Variants in PACSIN2 observed in about 807,000 individuals in gnomAD.
PACSIN2 encodes protein kinase C and casein kinase substrate in neurons 2.
PACSIN2 carries 25 observed loss-of-function variants against 63.8 expected under a neutral mutation model. That is an observed-to-expected ratio of 0.39 (90% confidence interval 0.29 to 0.55). PACSIN2 has a LOEUF of 0.55. PACSIN2 is among the 20% of genes least tolerant of loss of function. The probability of loss-of-function intolerance (pLI) is 0.62; values close to 1 mark genes in which losing one functional copy is unlikely to be tolerated. For missense variants in PACSIN2, 518 were observed against 646.9 expected (o/e 0.80, Z 2.16); for synonymous variants, 255 against 256.2 (o/e 1.00, Z 0.05).
intron 1 of PACSIN2, among the ~76,000 whole-genome samples, chr22:43,013,401 C>T (rs1228038460): frequency 6.6e-6 from 1 of 152,242 alleles, no homozygotes; most frequent in African/African-American, 2.4e-5. Context: ...AGCATAACCT[C>T]ACCAAAGAGG....
At chr22:42,879,985 C>G (rs909284869) in intron 7 of PACSIN2, among the ~76,000 whole-genome samples, 1 of 152,190 alleles carries the variant, frequency 6.6e-6, no homozygotes, top group African/African-American at 2.4e-5. Context: ...GCTTCACCAA[C>G]CGCACTGAAA....
intron 1 of PACSIN2, among the ~76,000 whole-genome samples, chr22:42,993,044 T>C (rs1174266668): frequency 1.3e-5 from 2 of 152,002 alleles, no homozygotes; most frequent in African/African-American, 2.4e-5. Context: ...CATGCACTTA[T>C]AGTCCCAGCT....
chr22:42,946,172 C>A (rs1346409502), intron 1 of PACSIN2, among the ~76,000 whole-genome samples: 4 of 152,226 alleles, frequency 2.6e-5, no homozygotes, highest in Non-Finnish European at 5.9e-5. Context: ...TAATAAGAAT[C>A]CTTCCAATTA....
Position 43,010,398 on chromosome 22 carries a change from A to ATATATATATATATATTTTTTTTT in PACSIN2, c.-78+4622_-78+4623insAAAAAAAAATATATATATATATA. 4.5e-3 allele frequency among the ~76,000 whole-genome samples: 570 copies of ATATATATATATATATTTTTTTTT among 126,326 alleles called. 12 individuals are homozygous for ATATATATATATATATTTTTTTTT. Among genetic ancestry groups the ATATATATATATATATTTTTTTTT allele is most frequent in the Non-Finnish European group, 6.2e-3 (360 of 58,120 alleles). The allele number at this position is 126,326 out of a possible 152,430, so 82.9% of individuals were successfully genotyped here. On this transcript the variant is annotated intron_variant, in intron 1 of 10. Coordinates refer to ENST00000263246, the MANE Select transcript of PACSIN2 (RefSeq NM_001184970.3). ...TGTTTAAAAATACATATATATATAT[A>ATATATATATATATATTTTTTTTT]TTTTTTTTTAATTGAAAATAAAAAA...
intron 6 of PACSIN2, 147 bp downstream of exon 6, chr22:42,884,239 T>G: frequency 1.5e-6 from 1 of 679,602 alleles, no homozygotes. Flanking sequence ...CCATCCAGAT[T>G]ACAAAGAAGC....
At chr22:42,994,158 C>A (rs978292675) in intron 1 of PACSIN2, among the ~76,000 whole-genome samples, 2 of 152,184 alleles carry the variant, frequency 1.3e-5, no homozygotes, top group Non-Finnish European at 2.9e-5. Flanking sequence ...ATCAGCAAAG[C>A]CCTAGAGGGA....
chr22:42,883,554 T>A (rs1268884001), intron 6 of PACSIN2, among the ~76,000 whole-genome samples: 1 of 152,172 alleles, frequency 6.6e-6, no homozygotes, highest in African/African-American at 2.4e-5. Context: ...ACAGCACAGC[T>A]TCCATATCAC....
intron 1 of PACSIN2, among the ~76,000 whole-genome samples, chr22:42,928,139 T>C (rs75107981): frequency 6.6e-5 from 10 of 152,344 alleles, no homozygotes; most frequent in Non-Finnish European, 1.5e-4. Context: ...ATCCTCAATC[T>C]ACACTTAAGG....
chr22:42,941,987 G>A (rs1933187503), intron 1 of PACSIN2, among the ~76,000 whole-genome samples: 1 of 152,258 alleles, frequency 6.6e-6, no homozygotes, highest in South Asian at 2.1e-4. Flanking sequence ...ATGTTGGCCA[G>A]GCTGGTCTCG....
chr22:42,874,516 G>A (rs1928433881), intron 10 of PACSIN2, among the ~76,000 whole-genome samples: 1 of 152,192 alleles, frequency 6.6e-6, no homozygotes, highest in Admixed American at 6.5e-5. Context: ...AGGTAGGTGT[G>A]CACACACACA....
intron 1 of PACSIN2, among the ~76,000 whole-genome samples, chr22:42,941,911 G>C (rs1254820827): frequency 6.6e-6 from 1 of 152,060 alleles, no homozygotes; most frequent in East Asian, 1.9e-4. Flanking sequence ...TGAGTAGCTG[G>C]GATTACAGGC....
At chr22:42,905,908 T>C (rs1451534499) in intron 2 of PACSIN2, among the ~76,000 whole-genome samples, 1 of 152,102 alleles carries the variant, frequency 6.6e-6, no homozygotes, top group Non-Finnish European at 1.5e-5. Flanking sequence ...CAGGAGAGGC[T>C]CCTGTGAGAC....
chr22:42,891,040 A>C lies in PACSIN2; in HGVS notation c.360T>G (p.Phe120Leu), dbSNP rs1343241910. Reference protein sequence around the residue: ...EKIKNWQKEAFHKQMMGGFKE... With the variant: ...EKIKNWQKEALHKQMMGGFKE... ...TGAAGCCGCCCATCATCTGCTTGTG[A>C]AAGGCTTCCTTCTGCCAGTTCTTGA... Residue 120 changes from phenylalanine (F) to leucine (L), a missense_variant, in exon 4 of 11, where the codon TTT becomes TTG. Coordinates refer to ENST00000263246, the MANE Select transcript of PACSIN2 (RefSeq NM_001184970.3). The C allele has an allele frequency of 3.1e-6, 5 of 1,614,090 alleles. No homozygotes were observed. The highest frequency in any genetic ancestry group is 4.2e-6 in the Non-Finnish European group (5 of 1,180,006).
chr22:42,951,730 T>A (rs1274949489), intron 1 of PACSIN2, among the ~76,000 whole-genome samples: 1 of 152,194 alleles, frequency 6.6e-6, no homozygotes, highest in Non-Finnish European at 1.5e-5. Flanking sequence ...CCTGGTTCAA[T>A]CTACTAAACT....
In PACSIN2 at chr22:42,876,211, G is replaced by A. The variant is rs759580382; in HGVS notation, c.1274C>T (p.Ser425Leu). ...GGCCCGGACTCGCACTTCCGTCCCC[G>A]AGGTGGCGTCGTCGTCGAATGGATT... ...DSNPFDDDAT[S>L]GTEVRVRALY... Residue 425 changes from serine (S) to leucine (L), a missense_variant, in exon 10 of 11, where the codon TCG becomes TTG. Physicochemically the swap from Ser to Leu is moderately radical, Grantham distance 145. Transcript: ENST00000263246. 17 of 1,614,102 alleles carry A rather than the reference G, an allele frequency of 1.1e-5. No homozygotes were observed. The highest frequency in any genetic ancestry group is 1.4e-5 in the Non-Finnish European group (17 of 1,180,052).
chr22:42,911,552 C>G (rs111256326), intron 2 of PACSIN2, among the ~76,000 whole-genome samples: 1 of 152,150 alleles, frequency 6.6e-6, no homozygotes, highest in Admixed American at 6.5e-5. Context: ...TACAGACTGG[C>G]GGCAGATGCT....
intron 1 of PACSIN2, among the ~76,000 whole-genome samples, chr22:42,982,888 A>AAAAAAAAAAAAAAAAACAAC (rs759532303): frequency 2.7e-4 from 28 of 105,200 alleles, no homozygotes; most frequent in Non-Finnish European, 4.6e-4. Context: ...AAAAAAAAAA[A>AAAAAAAAAAAAAAAAACAAC]AACAACAACA....
intron 2 of PACSIN2, among the ~76,000 whole-genome samples, chr22:42,902,666 A>G (rs1930777528): frequency 6.6e-6 from 1 of 152,066 alleles, no homozygotes; most frequent in African/African-American, 2.4e-5. Context: ...GGTGCATCTC[A>G]GCAGTGGCAT....
At chr22:42,965,957 T>A (rs60259729) in intron 1 of PACSIN2, among the ~76,000 whole-genome samples, 3,265 of 151,966 alleles carry the variant, frequency 0.021, 112 homozygotes, top group African/African-American at 0.074. Flanking sequence ...ATAAATAAAT[T>A]ATGTGAAAAT....
Sources: allele counts gnomAD v4.1 joint callset (sites outside exome capture counted in the v4.1 genomes callset), GRCh38; gene constraint gnomAD v4.1.1; transcripts MANE v1.5; gene names NCBI Gene and HGNC (gene_info 2026-07-23, HGNC 2026-07-21).